RPS6KA2: variants seen among roughly 807,000 people sequenced by gnomAD.
The protein encoded by RPS6KA2 is ribosomal protein S6 kinase A2.
RPS6KA2 carries 42 observed loss-of-function variants against 91.8 expected under a neutral mutation model. The ratio of observed to expected loss-of-function variants is 0.46; its 90% CI spans 0.36 to 0.59. RPS6KA2 has a LOEUF of 0.59. Among genes scored for constraint, RPS6KA2 ranks in the 20% least tolerant of loss-of-function variants. RPS6KA2 has a pLI of 0.00. For synonymous variants in RPS6KA2, 414 were observed against 393.6 expected (o/e 1.05, Z -0.61); for missense variants, 798 against 978.5 (o/e 0.82, Z 2.46).
chr6:166,649,717 T>C (rs1225472246), intron 2 of RPS6KA2, among the ~76,000 whole-genome samples: 1 of 152,166 alleles, frequency 6.6e-6, no homozygotes, highest in Non-Finnish European at 1.5e-5. Context: ...TGGATGGGAT[T>C]GTAGACCCAG....
intron 1 of RPS6KA2, among the ~76,000 whole-genome samples, chr6:166,600,758 T>C (rs181995050): frequency 6.6e-6 from 1 of 152,334 alleles, no homozygotes; most frequent in South Asian, 2.1e-4. Flanking sequence ...AAATTTCAGA[T>C]GTGTAGAAAT....
intron 1 of RPS6KA2, among the ~76,000 whole-genome samples, chr6:166,565,486 C>T (rs3778402): frequency 0.22 from 32,825 of 152,238 alleles, 4,034 homozygotes; most frequent in Admixed American, 0.27. Context: ...GCCTGGGCCC[C>T]GGCTGCCTCT....
chr6:166,772,070 G>T (rs1379925725), intron 2 of RPS6KA2, among the ~76,000 whole-genome samples: 2 of 152,216 alleles, frequency 1.3e-5, no homozygotes, highest in Non-Finnish European at 2.9e-5. Context: ...GAATACAGTT[G>T]CTAATGCTGA....
chr6:166,701,451 T>C, intron 2 of RPS6KA2: 1 of 1,183,182 alleles, frequency 8.5e-7, no homozygotes, highest in Non-Finnish European at 1.3e-6. Context: ...ACCGAGCCTC[T>C]GGTGATCCAG....
At chr6:166,810,794 T>C (rs1045352540) in intron 2 of RPS6KA2, among the ~76,000 whole-genome samples, 6 of 152,220 alleles carry the variant, frequency 3.9e-5, no homozygotes, top group Admixed American at 3.3e-4. Flanking sequence ...GTCAATTTCC[T>C]GCCTAAGCCC....
intron 2 of RPS6KA2, among the ~76,000 whole-genome samples, chr6:166,828,126 C>T (rs1048467203): frequency 3.9e-5 from 6 of 152,086 alleles, no homozygotes; most frequent in African/African-American, 1.5e-4. Context: ...GAGACAATTA[C>T]ACCTCAGGGT....
intron 2 of RPS6KA2, among the ~76,000 whole-genome samples, chr6:166,672,947 G>T (rs1163240655): frequency 6.6e-6 from 1 of 152,196 alleles, no homozygotes; most frequent in Non-Finnish European, 1.5e-5. Context: ...GCGTGGGTTT[G>T]ATGTTGGCGT....
intron 2 of RPS6KA2, among the ~76,000 whole-genome samples, chr6:166,790,831 C>T (rs1277927889): frequency 3.3e-5 from 5 of 152,106 alleles, no homozygotes; most frequent in African/African-American, 1.2e-4. Context: ...TTTGTCACCA[C>T]CAGGCCTGCC....
chr6:166,702,174 G>T, intron 2 of RPS6KA2: 2 of 1,600,600 alleles, frequency 1.2e-6, no homozygotes, highest in East Asian at 2.2e-5. Context: ...GTGATGTTCC[G>T]AATGGTGGCA....
intron 1 of RPS6KA2, among the ~76,000 whole-genome samples, chr6:166,613,623 A>G (rs1252273712): frequency 2.0e-5 from 3 of 152,222 alleles, no homozygotes; most frequent in Non-Finnish European, 2.9e-5. Context: ...GTCGGATGGC[A>G]GCTCCGAGAG....
chr6:166,807,384 G>A (rs1779518736), intron 2 of RPS6KA2, among the ~76,000 whole-genome samples: 1 of 152,092 alleles, frequency 6.6e-6, no homozygotes, highest in South Asian at 2.1e-4. Context: ...ACCCACACAT[G>A]TGTTCTTTTT....
intron 2 of RPS6KA2, among the ~76,000 whole-genome samples, chr6:166,803,466 G>T (rs896841317): frequency 2.5e-4 from 38 of 152,196 alleles, no homozygotes; most frequent in African/African-American, 8.9e-4. Context: ...GGCTCACAAG[G>T]TAAAGTCAGC....
chr6:166,575,159 G>A (rs934610539), intron 1 of RPS6KA2, among the ~76,000 whole-genome samples: 9 of 152,268 alleles, frequency 5.9e-5, no homozygotes, highest in East Asian at 3.9e-4. Flanking sequence ...GTTTACGAAC[G>A]CCATACAACT....
At chr6:166,622,238 G>A (rs1204053488) in intron 1 of RPS6KA2, among the ~76,000 whole-genome samples, 2 of 152,090 alleles carry the variant, frequency 1.3e-5, no homozygotes, top group African/African-American at 2.4e-5. Flanking sequence ...ACACTATTTC[G>A]GGGATTTTTC....
At chr6:166,439,287 T>A (rs868078413) in intron 14 of RPS6KA2, among the ~76,000 whole-genome samples, 1 of 152,192 alleles carries the variant, frequency 6.6e-6, no homozygotes, top group African/African-American at 2.4e-5. Flanking sequence ...TTTGTATTTT[T>A]AGTAGAGACG....
At chr6:166,703,505 T>C (rs190275754) in intron 2 of RPS6KA2, among the ~76,000 whole-genome samples, 69 of 152,384 alleles carry the variant, frequency 4.5e-4, no homozygotes, top group African/African-American at 1.5e-3. Context: ...CAGATAGAGA[T>C]ACCGTGTAGT....
In RPS6KA2 at chr6:166,498,618, C is replaced by T. The variant is rs1251863380; in HGVS notation, c.637G>A (p.Asp213Asn). Residue 213 changes from aspartate to asparagine, a missense_variant, in exon 8 of 21, where the codon GAC (aspartate) becomes AAC (asparagine). Coordinates refer to ENST00000265678, the MANE Select transcript of RPS6KA2 (RefSeq NM_021135.6). Reference protein sequence around the residue: ...FGLSKEAIDHDKRAYSFCGTI... With the variant: ...FGLSKEAIDHNKRAYSFCGTI... The stretch of plus-strand genomic sequence containing the variant: ...CCGCAGAAGGAGTACGCTCTCTTGT[C>T]GTGGTCAATGGCCTCCTTACTCAGG... 4.3e-6 allele frequency: 7 copies of T among 1,613,948 alleles called. No individual in the cohort carries two copies. Among genetic ancestry groups the T allele is most frequent in the East Asian group, 2.2e-5 (1 of 44,882 alleles).
At chr6:166,425,508 A>G (rs948910222) in intron 16 of RPS6KA2, among the ~76,000 whole-genome samples, 1 of 152,246 alleles carries the variant, frequency 6.6e-6, no homozygotes, top group African/African-American at 2.4e-5. Context: ...AGACTGGCAA[A>G]TTGGATAGAG....
At position 166,412,562 on chromosome 6, in the gene RPS6KA2, G is replaced by A. The variant is rs572727195; in HGVS notation, c.*200C>T. 6.8e-4 allele frequency: 337 copies of A among 498,094 alleles called. No homozygotes were observed. The highest frequency in any genetic ancestry group is 4.4e-3 in the African/African-American group (225 of 50,804). 30.9% of individuals were successfully genotyped at this position (498,094 alleles called of 1,614,324 possible). A position where few individuals can be genotyped will look rare whatever the true frequency, so the allele number is the denominator to read the frequency against. ...TGGGAGAAAAGAGAGCGGGCGGGGA[G>A]GCTGGCGCAGTGAGGCTTGGAGAAG... On this transcript the variant is annotated 3_prime_UTR_variant, in exon 21 of 21. Coordinates refer to ENST00000265678, the MANE Select transcript of RPS6KA2 (RefSeq NM_021135.6). The surrounding 1 kb of genome is among the most constrained non-coding windows in gnomAD (Gnocchi z 4.3).
Sources: allele counts gnomAD v4.1 joint callset (sites outside exome capture counted in the v4.1 genomes callset), GRCh38; gene constraint gnomAD v4.1.1; non-coding constraint Gnocchi (gnomAD v3.1); transcripts MANE v1.5; gene names NCBI Gene and HGNC (gene_info 2026-07-23, HGNC 2026-07-21).